DLGAP2: variants seen among roughly 807,000 people sequenced by gnomAD.
DLGAP2 encodes DLG associated protein 2.
DLGAP2 carries 26 observed loss-of-function variants against 100.3 expected under a neutral mutation model. The ratio of observed to expected loss-of-function variants is 0.26; its 90% CI spans 0.19 to 0.36. The LOEUF is 0.36. DLGAP2 is among the 10% of genes least tolerant of loss of function. The pLI is 1.00. For synonymous variants in DLGAP2, 886 were observed against 630.1 expected (o/e 1.41, Z -6.08); for missense variants, 1,858 against 1,453.2 (o/e 1.28, Z -4.53).
intron 2 of DLGAP2, among the ~76,000 whole-genome samples, chr8:955,209 T>G (rs1435610149): frequency 1.3e-5 from 2 of 152,156 alleles, no homozygotes; most frequent in African/African-American, 4.8e-5. Context: ...TCCCGAAGAC[T>G]GCGAGCCTGT....
At chr8:1,455,930 G>C (rs985494921) in intron 3 of DLGAP2, among the ~76,000 whole-genome samples, 1 of 152,160 alleles carries the variant, frequency 6.6e-6, no homozygotes, top group Admixed American at 6.5e-5. Context: ...ATGACTGAGA[G>C]GCTGGATCCG....
chr8:1,282,941 C>A (rs1282921744), intron 3 of DLGAP2, among the ~76,000 whole-genome samples: 3 of 124,664 alleles, frequency 2.4e-5, no homozygotes, highest in Non-Finnish European at 5.0e-5. Flanking sequence ...CATGGTGTGA[C>A]CTGAACCCAG....
At chr8:1,578,740 A>C (rs1263444024) in intron 6 of DLGAP2, among the ~76,000 whole-genome samples, 1 of 152,212 alleles carries the variant, frequency 6.6e-6, no homozygotes, top group Non-Finnish European at 1.5e-5. Context: ...TCTCTAACAT[A>C]GTGCAAGATA....
intron 2 of DLGAP2, among the ~76,000 whole-genome samples, chr8:1,209,549 C>G (rs571006733): frequency 1.3e-5 from 2 of 152,274 alleles, no homozygotes; most frequent in South Asian, 4.1e-4. Context: ...CGTTTCTATA[C>G]TACTCTAATA....
chr8:986,889 A>G (rs144033368), intron 2 of DLGAP2, among the ~76,000 whole-genome samples: 39 of 152,082 alleles, frequency 2.6e-4, no homozygotes, highest in African/African-American at 8.4e-4. Flanking sequence ...CAAACTCCTG[A>G]CCTCCAGTGA....
chr8:743,786 G>A (rs915436334), intron 1 of DLGAP2, among the ~76,000 whole-genome samples: 1 of 152,174 alleles, frequency 6.6e-6, no homozygotes, highest in Non-Finnish European at 1.5e-5. Flanking sequence ...ACTAGACTCT[G>A]ACTCCTGGGC....
At chr8:910,601 A>T (rs1054741026) in intron 2 of DLGAP2, 1 of 152,170 alleles carries the variant, frequency 6.6e-6, no homozygotes, top group African/African-American at 2.4e-5. Context: ...ATTTCTAAGC[A>T]TTCTTCCCTT....
At chr8:1,135,221 T>C (rs1372083089) in intron 2 of DLGAP2, among the ~76,000 whole-genome samples, 2 of 152,216 alleles carry the variant, frequency 1.3e-5, no homozygotes, top group African/African-American at 4.8e-5. Context: ...TGTTTTGTTT[T>C]TGCTTTTTAA....
chr8:1,371,637 A>G (rs931386122), intron 3 of DLGAP2, among the ~76,000 whole-genome samples: 4 of 152,240 alleles, frequency 2.6e-5, no homozygotes, highest in South Asian at 2.1e-4. Context: ...TTTGATGGTA[A>G]TGAAACTGGA....
intron 3 of DLGAP2, among the ~76,000 whole-genome samples, chr8:1,483,657 A>C (rs57507362): frequency 3.1e-4 from 4 of 12,908 alleles, no homozygotes; most frequent in African/African-American, 1.5e-3. Flanking sequence ...GAGGGCGTCT[A>C]CACAGAGCAG....
At chr8:1,408,254 G>A (rs740238) in intron 3 of DLGAP2, among the ~76,000 whole-genome samples, 4 of 151,930 alleles carry the variant, frequency 2.6e-5, no homozygotes, top group East Asian at 1.9e-4. Context: ...TCCACTTTCC[G>A]CGATGCCATT....
At chr8:1,649,004 T>C (rs1798104582) in intron 8 of DLGAP2, among the ~76,000 whole-genome samples, 1 of 152,170 alleles carries the variant, frequency 6.6e-6, no homozygotes, top group African/African-American at 2.4e-5. Flanking sequence ...CATCCTTGGA[T>C]GGCGTCTGAA....
chr8:1,358,003 C>G (rs1046881475), intron 3 of DLGAP2, among the ~76,000 whole-genome samples: 1 of 152,140 alleles, frequency 6.6e-6, no homozygotes, highest in African/African-American at 2.4e-5. Context: ...TCTCAGGACT[C>G]CTTGACAAAC....
At chr8:1,237,344 C>A (rs1239064743) in intron 2 of DLGAP2, among the ~76,000 whole-genome samples, 1 of 104,388 alleles carries the variant, frequency 9.6e-6, no homozygotes, top group Middle Eastern at 6.7e-3. Flanking sequence ...CACATGGTGC[C>A]GTGTCTAGTT....
At chr8:1,232,503 A>G (rs922856290) in intron 2 of DLGAP2, among the ~76,000 whole-genome samples, 1 of 151,630 alleles carries the variant, frequency 6.6e-6, no homozygotes, top group Non-Finnish European at 1.5e-5. Context: ...CCTCACGTCA[A>G]CTCCTTTCCT....
intron 3 of DLGAP2, among the ~76,000 whole-genome samples, chr8:1,484,411 A>G (rs1032761493): frequency 6.6e-6 from 1 of 152,250 alleles, no homozygotes; most frequent in Non-Finnish European, 1.5e-5. Flanking sequence ...GGGACACTTC[A>G]AAAGAAAAAG....
At chr8:1,000,660 A>C (rs564326653) in intron 2 of DLGAP2, among the ~76,000 whole-genome samples, 1 of 152,286 alleles carries the variant, frequency 6.6e-6, no homozygotes, top group South Asian at 2.1e-4. Flanking sequence ...CTTGGTTATG[A>C]ACTGTCCGGT....
At position 1,412,798 on chromosome 8, in the gene DLGAP2, A is replaced by T. The variant is rs139666306; in HGVS notation, c.107-88568A>T. On this transcript the variant is annotated intron_variant, in intron 3 of 14. Coordinates refer to ENST00000637795, the MANE Select transcript of DLGAP2 (RefSeq NM_001346810.2). ...ATTCTGACTCTAACATACCCTCCCT[A>T]TTCACAGCCCTCCCCAGCAGATGGC... is the stretch of plus-strand genomic sequence containing the variant. 3.1e-3 allele frequency among the ~76,000 whole-genome samples: 465 copies of T among 152,220 alleles called. 2 individuals are homozygous for T. Among genetic ancestry groups the T allele is most frequent in the African/African-American group, 0.011 (450 of 41,548 alleles).
chr8:1,112,882 A>G (rs770226959), intron 2 of DLGAP2, among the ~76,000 whole-genome samples: 5 of 152,164 alleles, frequency 3.3e-5, no homozygotes, highest in Non-Finnish European at 5.9e-5. Flanking sequence ...CTTTTTGTAC[A>G]TGGCATAAGG....
Sources: gnomAD v4.1 joint callset for allele counts (sites outside exome capture counted in the v4.1 genomes callset) on GRCh38, gnomAD v4.1.1 for gene constraint, MANE v1.5 for transcripts, NCBI Gene and HGNC (gene_info 2026-07-23, HGNC 2026-07-21) for gene names.